Variants in EPN1 observed in about 807,000 individuals in gnomAD.
EPN1 encodes the protein epsin 1, also known as epsin-1.
In EPN1, 25 loss-of-function variants were observed where a neutral mutation model predicts 56.9. The ratio of observed to expected loss-of-function variants is 0.44; its 90% CI spans 0.32 to 0.61. EPN1 has a LOEUF of 0.61. Among genes scored for constraint, EPN1 ranks in the 20% least tolerant of loss-of-function variants. EPN1 has a pLI of 0.05. For synonymous variants in EPN1, 411 were observed against 361.8 expected, an observed-to-expected ratio of 1.14 and a Z score of -1.54; for missense variants, 785 against 823.7, an observed-to-expected ratio of 0.95 and a Z score of 0.58.
intron 2 of EPN1, among the ~76,000 whole-genome samples, chr19:55,684,458 C>A (rs891376245): frequency 6.6e-6 from 1 of 152,074 alleles, no homozygotes. Context: ...GACCTTGGTC[C>A]CCCCGCCCCC....
Position 55,694,699 on chromosome 19 carries a change from C to G in EPN1, c.1265-27C>G, listed in dbSNP as rs1200970781. ...GGAGCCTCACTGCTGTCTGCCCTGT[C>G]TGAGCCCCTCTCCCGGATCCTTCCA... On this transcript the variant is annotated intron_variant, in intron 9 of 10. Coordinates refer to ENST00000270460, the MANE Select transcript of EPN1 (RefSeq NM_001130072.2). The surrounding 1 kb of genome is among the most constrained non-coding windows in gnomAD (Gnocchi z 4.2). 2 of 1,537,928 alleles carry G rather than the reference C, an allele frequency of 1.3e-6. No homozygotes were observed. The highest frequency in any genetic ancestry group is 2.3e-5 in the East Asian group (1 of 44,216).
At chr19:55,676,187 A>G (rs1985408546) in intron 1 of EPN1, among the ~76,000 whole-genome samples, 1 of 152,236 alleles carries the variant, frequency 6.6e-6, no homozygotes, top group Non-Finnish European at 1.5e-5. Flanking sequence ...GCCTGACGGT[A>G]TCTGACACAT....
In EPN1 at chr19:55,709,041, C is replaced by T. The variant is rs748176129; in HGVS notation, c.*13685C>T. 7 of 1,565,168 alleles carry T rather than the reference C, an allele frequency of 4.5e-6. No individual in the cohort carries two copies. The highest frequency in any genetic ancestry group is 2.1e-5 in the Admixed American group (1 of 46,788). The stretch of plus-strand genomic sequence containing the variant: ...TTTCTTCATCAAAGCCAGATTTGTG[C>T]AGCCTGGGAAAATAGAAATAAAGTT... On this transcript the variant is annotated 3_prime_UTR_variant, in exon 11 of 11. Transcript: ENST00000270460.
chr19:55,700,788 C>T lies in EPN1; in HGVS notation c.*5432C>T, dbSNP rs545083966. The T allele has an allele frequency of 6.6e-6, 1 of 152,404 alleles. No homozygotes were observed. Among genetic ancestry groups the T allele is most frequent in the East Asian group, 1.9e-4 (1 of 5,190 alleles). 9.4% of individuals were successfully genotyped at this position (152,404 alleles called of 1,614,324 possible). ...TTACTGTCAAAAGGTATAACTCATG[C>T]ATTGATGGGGGTAACCCCTACAGCA... is the stretch of plus-strand genomic sequence containing the variant. On this transcript the variant is annotated 3_prime_UTR_variant, in exon 11 of 11. Coordinates refer to ENST00000270460, the MANE Select transcript of EPN1 (RefSeq NM_001130072.2).
rs1436583258 is a variant in EPN1, at chr19:55,699,778, T to G, written c.*4422T>G. The G allele has an allele frequency of 6.6e-6, 1 of 152,250 alleles. No homozygotes were observed. Among genetic ancestry groups the G allele is most frequent in the African/African-American group, 2.4e-5 (1 of 41,462 alleles). The allele number at this position is 152,250 out of a possible 1,614,324, so 9.4% of individuals were successfully genotyped here. A position where few individuals can be genotyped will look rare whatever the true frequency, so the allele number is the denominator to read the frequency against. On this transcript the variant is annotated 3_prime_UTR_variant, in exon 11 of 11. Transcript: ENST00000270460. ...CCCACGCTTCCACAGGGTTCCAGCA[T>G]GCTTTCCGCCGAGAAATCGCTCCCT...
In EPN1 at chr19:55,704,392, T is replaced by G. The variant is rs545123313; in HGVS notation, c.*9036T>G. 6.6e-6 allele frequency: 1 copy of G among 152,204 alleles called. No homozygotes were observed. Among genetic ancestry groups the G allele is most frequent in the Non-Finnish European group, 1.5e-5 (1 of 68,054 alleles). 9.4% of individuals were successfully genotyped at this position (152,204 alleles called of 1,614,324 possible). On this transcript the variant is annotated 3_prime_UTR_variant, in exon 11 of 11. Coordinates refer to ENST00000270460, the MANE Select transcript of EPN1 (RefSeq NM_001130072.2). Reference sequence around the variant, plus strand: ...GTAAGTAAGGTTAAAATGAGGACATTAGGGTGGGTCCTAATCCAATCTGAC... The same window carrying G: ...GTAAGTAAGGTTAAAATGAGGACATGAGGGTGGGTCCTAATCCAATCTGAC...
chr19:55,686,515 C>T (rs1050982563), intron 3 of EPN1, among the ~76,000 whole-genome samples: 2 of 152,128 alleles, frequency 1.3e-5, no homozygotes, highest in African/African-American at 2.4e-5. Context: ...CTGTGGCCCT[C>T]GTGGGGTCCG....
intron 3 of EPN1, among the ~76,000 whole-genome samples, 155 bp from the exon 4 acceptor site, chr19:55,688,715 C>T (rs1986328518): frequency 6.6e-6 from 1 of 152,036 alleles, no homozygotes; most frequent in Non-Finnish European, 1.5e-5. Flanking sequence ...CGTCTGGTCT[C>T]CGCCTCTCAG....
chr19:55,695,566 G>A lies in EPN1; in HGVS notation c.*210G>A. 1 of 559,036 alleles carries A rather than the reference G, an allele frequency of 1.8e-6. No homozygotes were observed. Among genetic ancestry groups the A allele is most frequent in the East Asian group, 3.0e-5 (1 of 33,662 alleles). The allele number at this position is 559,036 out of a possible 1,614,324, so 34.6% of individuals were successfully genotyped here. On this transcript the variant is annotated 3_prime_UTR_variant, in exon 11 of 11. Transcript: ENST00000270460. This position sits in a 1 kb window ranked among gnomAD's most constrained non-coding sequence, Gnocchi z 4.4. ...GGCCTGGGGAGGGGAGCTGGCCAGA[G>A]GAGGACCCCTTTCCCGTGGCATTAG...
At chr19:55,676,403 C>G (rs1985428250) in intron 1 of EPN1, among the ~76,000 whole-genome samples, 1 of 152,194 alleles carries the variant, frequency 6.6e-6, no homozygotes, top group Non-Finnish European at 1.5e-5. Flanking sequence ...TCTGAGAAAT[C>G]TCAGCTTTGA....
chr19:55,681,184 C>G (rs997829094), intron 2 of EPN1, among the ~76,000 whole-genome samples: 1 of 152,322 alleles, frequency 6.6e-6, no homozygotes, highest in South Asian at 2.1e-4. Context: ...TGCACGGCCT[C>G]CCTGCATGGC....
chr19:55,685,259 A>C, intron 2 of EPN1, 137 bp from the exon 3 acceptor site: 1 of 1,060,002 alleles, frequency 9.4e-7, no homozygotes, highest in Non-Finnish European at 1.4e-6. Flanking sequence ...GTGGGGACAG[A>C]TGTGTGTCCA....
intron 3 of EPN1, among the ~76,000 whole-genome samples, chr19:55,686,838 T>G: frequency 6.9e-6 from 1 of 144,936 alleles, no homozygotes; most frequent in Non-Finnish European, 1.5e-5. Flanking sequence ...GGGGTTGGGG[T>G]GGACGGAGGA....
intron 2 of EPN1, among the ~76,000 whole-genome samples, chr19:55,682,830 C>T (rs1300588679): frequency 6.7e-6 from 1 of 148,260 alleles, no homozygotes. Context: ...CACCTCGGCT[C>T]ACTGCAACTT....
At chr19:55,679,705 C>T (rs1001279951) in intron 2 of EPN1, among the ~76,000 whole-genome samples, 5 of 152,214 alleles carry the variant, frequency 3.3e-5, no homozygotes, top group African/African-American at 9.6e-5. Context: ...GAGGCTGAGG[C>T]CTGGAGCGTT....
rs539066242 is a variant in EPN1, at chr19:55,696,008, C to A, written c.*652C>A. On this transcript the variant is annotated 3_prime_UTR_variant, in exon 11 of 11. Coordinates refer to ENST00000270460, the MANE Select transcript of EPN1 (RefSeq NM_001130072.2). ...GGTCGGGAGGCCACTCATGGCCAGA[C>A]GCTTCCGGTGCAGGAGGCCTTGCTC... 2.0e-5 allele frequency: 3 copies of A among 152,620 alleles called. No individual in the cohort carries two copies. The highest frequency in any genetic ancestry group is 3.8e-4 in the East Asian group (2 of 5,202). The allele number at this position is 152,620 out of a possible 1,614,324, so 9.5% of individuals were successfully genotyped here.
chr19:55,693,263 C>T, intron 9 of EPN1: 1 of 538,872 alleles, frequency 1.9e-6, no homozygotes, highest in East Asian at 3.1e-5. Flanking sequence ...GAGAATTGTT[C>T]TCAAGGTTTC....
intron 1 of EPN1, chr19:55,677,421 A>T: frequency 1.5e-6 from 1 of 664,998 alleles, no homozygotes; most frequent in South Asian, 1.9e-5. Flanking sequence ...TCTCGTCACC[A>T]GTCTCGGGAT....
chr19:55,686,061 A>G (rs1327706368), intron 3 of EPN1, among the ~76,000 whole-genome samples: 1 of 152,182 alleles, frequency 6.6e-6, no homozygotes, highest in Non-Finnish European at 1.5e-5. Flanking sequence ...AGAGGCACAG[A>G]AGGAAGGCCA....
Sources: allele counts gnomAD v4.1 joint callset (sites outside exome capture counted in the v4.1 genomes callset), GRCh38; gene constraint gnomAD v4.1.1; non-coding constraint Gnocchi (gnomAD v3.1); transcripts MANE v1.5; gene names NCBI Gene and HGNC (gene_info 2026-07-23, HGNC 2026-07-21).